PLA1A: variants seen among roughly 807,000 people sequenced by gnomAD.
PLA1A encodes the protein phospholipase A1 member A, also known as phosphatidylserine-specific phospholipase A1alpha.
A neutral mutation model predicts 49.4 loss-of-function variants in PLA1A; 47 were observed. The ratio of observed to expected loss-of-function variants is 0.95; its 90% CI spans 0.75 to 1.21. The LOEUF is 1.21. Ranked by LOEUF, PLA1A falls within the 50% of genes most tolerant of loss-of-function variation. PLA1A has a pLI of 0.00. For missense variants in PLA1A, 561 were observed against 563.9 expected (o/e 0.99, Z 0.05); for synonymous variants, 224 against 207.9 (o/e 1.08, Z -0.67).
chr3:119,609,121 T>C (rs1016952641), intron 3 of PLA1A, among the ~76,000 whole-genome samples, 174 bp downstream of exon 3: 2 of 152,132 alleles, frequency 1.3e-5, no homozygotes, highest in African/African-American at 4.8e-5. Context: ...GGGCAGCTTA[T>C]TGAATATTCT....
intron 4 of PLA1A, among the ~76,000 whole-genome samples, chr3:119,612,778 G>A (rs570562443): frequency 9.7e-4 from 148 of 152,238 alleles, no homozygotes; most frequent in African/African-American, 3.3e-3. Flanking sequence ...GTGAGTCACC[G>A]CGCCCAGCCT....
At chr3:119,612,871 A>G in intron 4 of PLA1A, 146 bp from the exon 5 acceptor site, 1 of 537,754 alleles carries the variant, frequency 1.9e-6, no homozygotes, top group Non-Finnish European at 3.3e-6. Context: ...TTCCTGAGGA[A>G]GGTGGTCCTC....
chr3:119,600,202 G>A, intron 1 of PLA1A: 1 of 576,140 alleles, frequency 1.7e-6, no homozygotes. Context: ...ACCCACATGG[G>A]CCTCTTGGAA....
Position 119,619,590 on chromosome 3 carries a change from T to C in PLA1A, c.950T>C (p.Ile317Thr), listed in dbSNP as rs1285309859. The C allele has an allele frequency of 6.2e-7, 1 of 1,613,752 alleles. No homozygotes were observed. Among genetic ancestry groups the C allele is most frequent in the Admixed American group, 1.7e-5 (1 of 60,004 alleles). The change falls in exon 8 of 11, where the codon ATA (isoleucine) becomes ACA (threonine). Residue 317 changes from isoleucine to threonine, a missense_variant. Coordinates refer to ENST00000273371, the MANE Select transcript of PLA1A (RefSeq NM_015900.4). ...IGLVEQGGVK[I>T]EPLPKEVKVY... The stretch of plus-strand genomic sequence containing the variant: ...CTGGTGGAACAAGGTGGTGTCAAGA[T>C]AGAGCCGCTCCCCAAGGAAGTGAAA...
chr3:119,619,775 C>T, intron 8 of PLA1A, 123 bp downstream of exon 8: 1 of 739,306 alleles, frequency 1.4e-6, no homozygotes, highest in Admixed American at 2.1e-5. Flanking sequence ...GGTGTGGCAA[C>T]AGCCCCTGGT....
chr3:119,609,181 G>A (rs537590976), intron 3 of PLA1A, among the ~76,000 whole-genome samples: 5 of 152,286 alleles, frequency 3.3e-5, no homozygotes, highest in East Asian at 1.9e-4. Flanking sequence ...TTTAGACAGC[G>A]AATGCAGATG....
At chr3:119,600,392 T>C (rs1383727272) in intron 1 of PLA1A, 2 of 702,902 alleles carry the variant, frequency 2.8e-6, no homozygotes, top group Non-Finnish European at 5.2e-6. Flanking sequence ...GCACAAGTCT[T>C]CCTCCATCTG....
intron 9 of PLA1A, 74 bp from the exon 10 acceptor site, chr3:119,628,627 C>G (rs1401942706): frequency 7.1e-7 from 1 of 1,406,404 alleles, no homozygotes; most frequent in Non-Finnish European, 9.9e-7. Flanking sequence ...CAGCAGAGCC[C>G]GATCGGAGCC....
chr3:119,623,817 C>T (rs373338503), intron 8 of PLA1A, among the ~76,000 whole-genome samples: 7 of 150,924 alleles, frequency 4.6e-5, no homozygotes, highest in African/African-American at 1.2e-4. Flanking sequence ...CTCTGCCTCC[C>T]GGGTTCAAAT....
intron 8 of PLA1A, among the ~76,000 whole-genome samples, chr3:119,622,561 G>A (rs1223478077): frequency 6.6e-6 from 1 of 152,156 alleles, no homozygotes; most frequent in Non-Finnish European, 1.5e-5. Context: ...GCTCAGATGG[G>A]CCATAGCACT....
intron 7 of PLA1A, among the ~76,000 whole-genome samples, chr3:119,619,164 A>G (rs1032132): frequency 0.5 from 75,349 of 151,602 alleles, 19,320 homozygotes; most frequent in East Asian, 0.88. Context: ...TCTTCCCAGA[A>G]TGCCCTCTCT....
intron 1 of PLA1A, among the ~76,000 whole-genome samples, chr3:119,606,283 C>G (rs1357975570): frequency 6.6e-6 from 1 of 152,186 alleles, no homozygotes; most frequent in East Asian, 1.9e-4. Flanking sequence ...TTGTAGATGG[C>G]CACTGTCTCC....
rs141652870 is a variant in PLA1A, at chr3:119,614,521, C to T, written c.664+1403C>T. ...CTCTGGAGGCTGAGGCAGGAGAATG[C>T]CCTGAACCCAGGAGGCAGAGCTTGC... On this transcript the variant is annotated intron_variant, in intron 5 of 10. Coordinates refer to ENST00000273371, the MANE Select transcript of PLA1A (RefSeq NM_015900.4). Among the ~76,000 whole-genome samples, 628 of 150,700 alleles carry T rather than the reference C, an allele frequency of 4.2e-3. 4 individuals carry two copies. The highest frequency in any genetic ancestry group is 0.014 in the African/African-American group (589 of 40,852).
chr3:119,598,922 T>A (rs147620590), intron 1 of PLA1A, among the ~76,000 whole-genome samples: 5 of 152,308 alleles, frequency 3.3e-5, no homozygotes, highest in Non-Finnish European at 5.9e-5. Flanking sequence ...TTTTCAGAGG[T>A]GCTGTTGAGC....
intron 5 of PLA1A, among the ~76,000 whole-genome samples, chr3:119,613,703 C>T (rs1018848236): frequency 6.6e-6 from 1 of 152,174 alleles, no homozygotes; most frequent in Admixed American, 6.5e-5. Context: ...ACCATCCTGG[C>T]TAACACGGTG....
intron 8 of PLA1A, among the ~76,000 whole-genome samples, chr3:119,623,717 CTT>C (rs35309675): frequency 0.18 from 18,490 of 101,564 alleles, 1,124 homozygotes; most frequent in East Asian, 0.45. Context: ...TTCTCTCTTT[CTT>C]TTTTTTTTTT....
At chr3:119,609,021 C>A in intron 3 of PLA1A, 74 bp downstream of exon 3, 1 of 1,265,490 alleles carries the variant, frequency 7.9e-7, no homozygotes. Flanking sequence ...AAAGCACTGC[C>A]TGAGGAGGCT....
chr3:119,609,760 A>G (rs2107784237), intron 4 of PLA1A, among the ~76,000 whole-genome samples, 184 bp downstream of exon 4: 1 of 152,330 alleles, frequency 6.6e-6, no homozygotes, highest in South Asian at 2.1e-4. Context: ...TTATTATTGC[A>G]TGATTTCTAA....
chr3:119,603,266 T>A (rs1396974098), intron 1 of PLA1A, among the ~76,000 whole-genome samples: 1 of 152,178 alleles, frequency 6.6e-6, no homozygotes, highest in Non-Finnish European at 1.5e-5. Context: ...TGGCAGTGGC[T>A]GTGAGAGATG....
Sources: allele counts gnomAD v4.1 joint callset (sites outside exome capture counted in the v4.1 genomes callset), GRCh38; gene constraint gnomAD v4.1.1; transcripts MANE v1.5; gene names NCBI Gene and HGNC (gene_info 2026-07-23, HGNC 2026-07-21).